The following ZNF676 variants were observed in gnomAD, a reference collection of about 807,000 sequenced individuals.
The protein encoded by ZNF676 is zinc finger protein 676.
A neutral mutation model predicts 6.0 loss-of-function variants in ZNF676; 4 were observed. The observed-to-expected ratio is 0.67, with a 90% CI of 0.33 to 1.53. The LOEUF is 1.53. ZNF676 is among the 40% of genes most tolerant of loss of function. The pLI, the probability that ZNF676 is intolerant of heterozygous loss-of-function variation, is 0.06. For missense variants in ZNF676, 644 were observed against 679.7 expected, an observed-to-expected ratio of 0.95 and a Z score of 0.58; for synonymous variants, 198 against 223.1, an observed-to-expected ratio of 0.89 and a Z score of 1.00.
At chr19:22,211,518 C>T (rs1226768910) in intron 1 of ZNF676, among the ~76,000 whole-genome samples, 2 of 152,092 alleles carry the variant, frequency 1.3e-5, no homozygotes, top group African/African-American at 2.4e-5. Context: ...AGGTGCTTAC[C>T]TTTTGTACCT....
In ZNF676 at chr19:22,206,026, T is replaced by G. The variant is rs1171381179; in HGVS notation, c.4-9300A>C. On this transcript the variant is annotated intron_variant, in intron 1 of 3. Coordinates refer to the ZNF676 transcript ENST00000650058. ...TAAAAAAAAAACTAGAATAAAAAAATTATTGAACAAATACATCCTCCCAAA... is the reference window on the plus strand; with the variant it reads ...TAAAAAAAAAACTAGAATAAAAAAAGTATTGAACAAATACATCCTCCCAAA... Among the ~76,000 whole-genome samples, 3 of 146,020 alleles carry G rather than the reference T, an allele frequency of 2.1e-5. No homozygotes were observed. The East Asian group carries it at 6.1e-4, about 30-fold the overall frequency.
At chr19:22,189,682 A>C (rs977541766) in intron 2 of ZNF676, among the ~76,000 whole-genome samples, 6 of 152,090 alleles carry the variant, frequency 3.9e-5, no homozygotes, top group South Asian at 4.1e-4. Context: ...AAGAAAAAAA[A>C]CAAACAACCC....
At chr19:22,230,808 G>A in the ZNF676 span, among the ~76,000 whole-genome samples, 21 of 151,592 alleles carry the variant, frequency 1.4e-4, no homozygotes, top group Non-Finnish European at 2.5e-4. Context: ...ACAGGTGTCC[G>A]CCACCACACC....
the ZNF676 span, among the ~76,000 whole-genome samples, chr19:22,254,130 T>C: frequency 6.6e-6 from 1 of 152,186 alleles, no homozygotes; most frequent in African/African-American, 2.4e-5. Flanking sequence ...TCACAATCTT[T>C]CCTGAGGTCA....
intron 2 of ZNF676, among the ~76,000 whole-genome samples, chr19:22,188,768 A>C (rs528942288): frequency 6.6e-6 from 1 of 152,182 alleles, no homozygotes; most frequent in Non-Finnish European, 1.5e-5. Context: ...TACAAAGAGA[A>C]TAAAATACCT....
At chr19:22,209,736 G>A (rs566415017) in intron 1 of ZNF676, among the ~76,000 whole-genome samples, 2 of 152,310 alleles carry the variant, frequency 1.3e-5, no homozygotes, top group South Asian at 4.1e-4. Flanking sequence ...TGGCCCAGGT[G>A]GGGCTGTACT....
exon 1 of ZNF676, chr19:22,215,646 C>T (rs2144839631): frequency 6.2e-7 from 1 of 1,610,642 alleles, no homozygotes; most frequent in East Asian, 2.2e-5. Flanking sequence ...TCTAGGCTTC[C>T]AGGGGGTCCT....
chr19:22,184,768 G>A (rs11881056), intron 2 of ZNF676, among the ~76,000 whole-genome samples: 4,190 of 138,880 alleles, frequency 0.03, 203 homozygotes, highest in African/African-American at 0.11. Context: ...GGAGCCCACC[G>A]CAGCTAGCAA....
the ZNF676 span, among the ~76,000 whole-genome samples, chr19:22,252,189 G>C: frequency 6.6e-6 from 1 of 152,076 alleles, no homozygotes; most frequent in Non-Finnish European, 1.5e-5. Context: ...GAGATCAAGA[G>C]TTCAAGACCA....
At chr19:22,235,518 A>C in the ZNF676 span, among the ~76,000 whole-genome samples, 2 of 152,194 alleles carry the variant, frequency 1.3e-5, no homozygotes, top group Admixed American at 6.5e-5. Flanking sequence ...CTTAGAAGGA[A>C]TATCTTGACA....
chr19:22,215,682 T>C (rs1463384245), exon 1 of ZNF676: 2 of 1,600,580 alleles, frequency 1.2e-6, no homozygotes, highest in African/African-American at 2.7e-5. Flanking sequence ...GATCTCCCAA[T>C]ACCTGCAGGT....
intron 2 of ZNF676, among the ~76,000 whole-genome samples, chr19:22,189,610 CA>C (rs1200099472): frequency 6.6e-6 from 1 of 151,798 alleles, no homozygotes; most frequent in Non-Finnish European, 1.5e-5. Flanking sequence ...AAAAATTTTG[CA>C]ATCTATCCAT....
intron 2 of ZNF676, among the ~76,000 whole-genome samples, chr19:22,188,300 CA>C (rs1233107040): frequency 6.6e-6 from 1 of 152,066 alleles, no homozygotes; most frequent in African/African-American, 2.4e-5. Flanking sequence ...AGGCTTTTGA[CA>C]AAATTCAACA....
intron 2 of ZNF676, among the ~76,000 whole-genome samples, chr19:22,184,936 A>G (rs10403162): frequency 1 from 151,991 of 152,000 alleles, 75,991 homozygotes; most frequent in Middle Eastern, 1. Flanking sequence ...AGCTGGGAGC[A>G]CAGCTTCAGC....
the ZNF676 span, among the ~76,000 whole-genome samples, chr19:22,253,485 CATATATATATGATAATGTGT>C: frequency 8.4e-6 from 1 of 119,560 alleles, no homozygotes; most frequent in Non-Finnish European, 1.7e-5. Flanking sequence ...TGATAATTTG[CATATATATATGATAATGTGT>C]ATATATATGT....
chr19:22,219,000 T>TAA (rs1382068750), upstream of ZNF676, among the ~76,000 whole-genome samples: 1 of 149,408 alleles, frequency 6.7e-6, no homozygotes, highest in African/African-American at 2.5e-5. Context: ...TTATTTTATA[T>TAA]AAATTTTAGG....
the ZNF676 span, among the ~76,000 whole-genome samples, chr19:22,253,420 T>G: frequency 5.5e-5 from 3 of 54,696 alleles, no homozygotes; most frequent in Admixed American, 1.8e-4. Flanking sequence ...ATATATATGA[T>G]AATGTATATA....
intron 2 of ZNF676, among the ~76,000 whole-genome samples, chr19:22,186,961 T>A (rs1452239481): frequency 6.6e-6 from 1 of 152,080 alleles, no homozygotes; most frequent in Non-Finnish European, 1.5e-5. Flanking sequence ...ACTGTCAATA[T>A]TAGACAGATA....
In ZNF676 at chr19:22,202,583, TTAAA is replaced by T. The variant is rs2024036989; in HGVS notation, c.4-5861_4-5858del. ...AAAATTTTCTTCAGCCCCAGAGGAA[TTAAA>T]TAATAACAGAACAGAAAGAAAACTG... On this transcript the variant is annotated intron_variant, in intron 1 of 3. Coordinates refer to the ZNF676 transcript ENST00000650058. Among the ~76,000 whole-genome samples, 5 of 152,278 alleles carry T rather than the reference TTAAA, an allele frequency of 3.3e-5. No individual in the cohort carries two copies. The South Asian group carries it at 1.0e-3, about 32-fold the overall frequency.
Sources: allele counts gnomAD v4.1 joint callset (sites outside exome capture counted in the v4.1 genomes callset), GRCh38; gene constraint gnomAD v4.1.1; transcripts MANE v1.5; gene names NCBI Gene and HGNC (gene_info 2026-07-23, HGNC 2026-07-21).